The following CACNA2D1 variants were observed in gnomAD, a reference collection of about 807,000 sequenced individuals.
CACNA2D1 encodes the protein voltage-dependent calcium channel subunit alpha-2/delta-1.
In CACNA2D1, 53 loss-of-function variants were observed where a neutral mutation model predicts 171.5. The ratio of observed to expected loss-of-function variants is 0.31; its 90% CI spans 0.25 to 0.39. The LOEUF is 0.39. Ranked by LOEUF, CACNA2D1 falls within the 10% of genes least tolerant of loss-of-function variation. The pLI, the probability that CACNA2D1 is intolerant of heterozygous loss-of-function variation, is 1.00. For synonymous variants in CACNA2D1, 442 were observed against 443.1 expected, an observed-to-expected ratio of 1.00 and a Z score of 0.03; for missense variants, 903 against 1,299.8, an observed-to-expected ratio of 0.69 and a Z score of 4.69.
intron 1 of CACNA2D1, among the ~76,000 whole-genome samples, chr7:82,435,752 T>G (rs528332031): frequency 6.6e-6 from 1 of 152,340 alleles, no homozygotes; most frequent in South Asian, 2.1e-4. Flanking sequence ...ACTTTTTTTT[T>G]TTAATTTAAA....
chr7:82,389,748 G>A (rs1167149899), intron 1 of CACNA2D1, among the ~76,000 whole-genome samples: 1 of 152,084 alleles, frequency 6.6e-6, no homozygotes, highest in Non-Finnish European at 1.5e-5. Flanking sequence ...CCTGGGTTAT[G>A]GGGAGAATAA....
intron 1 of CACNA2D1, among the ~76,000 whole-genome samples, chr7:82,366,173 G>A (rs771876322): frequency 2.6e-5 from 4 of 152,120 alleles, no homozygotes; most frequent in African/African-American, 4.8e-5. Flanking sequence ...TGTGTCATCC[G>A]TAGTATTTGA....
intron 38 of CACNA2D1, among the ~76,000 whole-genome samples, chr7:81,950,912 G>A (rs1305918835): frequency 2.6e-5 from 4 of 151,920 alleles, no homozygotes; most frequent in South Asian, 4.1e-4. Context: ...TGCTCCATAT[G>A]GTAAAGTTGG....
intron 3 of CACNA2D1, among the ~76,000 whole-genome samples, chr7:82,205,875 A>AT (rs781163271): frequency 9.9e-5 from 15 of 152,142 alleles, no homozygotes; most frequent in Non-Finnish European, 2.1e-4. Context: ...TGCTCCAATT[A>AT]TTTTTATTAC....
chr7:82,325,249 G>A lies in CACNA2D1; in HGVS notation c.294+9886C>T, dbSNP rs1054099459. ...GTGAGAGCTCAGTCTAGCCTGTGGA[G>A]ATTGGATTTCAAAAATCAGGAGGCA... On this transcript the variant is annotated intron_variant, in intron 3 of 38. Transcript: ENST00000356860. Among the ~76,000 whole-genome samples, 4 of 152,200 alleles carry A rather than the reference G, an allele frequency of 2.6e-5. No individual in the cohort carries two copies. In the South Asian group the frequency reaches 6.2e-4, roughly 24 times the overall value.
chr7:82,154,209 TATGTA>T (rs1794131766), intron 4 of CACNA2D1, among the ~76,000 whole-genome samples: 1 of 152,212 alleles, frequency 6.6e-6, no homozygotes, highest in Admixed American at 6.5e-5. Context: ...TATATCTGCA[TATGTA>T]ATGATTATCT....
intron 7 of CACNA2D1, among the ~76,000 whole-genome samples, chr7:82,079,546 G>A (rs1407472576): frequency 6.6e-6 from 1 of 151,972 alleles, no homozygotes; most frequent in Non-Finnish European, 1.5e-5. Context: ...ACAAAAATTA[G>A]CCAGGCATGG....
chr7:82,335,040 A>G, intron 3 of CACNA2D1, 95 bp downstream of exon 3: 1 of 829,274 alleles, frequency 1.2e-6, no homozygotes, highest in Non-Finnish European at 2.1e-6. Context: ...TACTAAGAAG[A>G]AGAACGCATA....
chr7:82,247,800 A>T (rs1376131459), intron 3 of CACNA2D1, among the ~76,000 whole-genome samples: 1 of 152,192 alleles, frequency 6.6e-6, no homozygotes, highest in East Asian at 1.9e-4. Flanking sequence ...TAAACCCAAA[A>T]TTTGGAAAGA....
intron 5 of CACNA2D1, among the ~76,000 whole-genome samples, chr7:82,130,075 T>C (rs1389835560): frequency 6.6e-6 from 1 of 152,234 alleles, no homozygotes; most frequent in African/African-American, 2.4e-5. Context: ...GTTCTTAAAC[T>C]ATACTTCAGA....
At chr7:82,090,517 A>C (rs1455399494) in intron 6 of CACNA2D1, among the ~76,000 whole-genome samples, 2 of 152,052 alleles carry the variant, frequency 1.3e-5, no homozygotes. Flanking sequence ...TTGAGATAAA[A>C]ATTAGCATGT....
At chr7:82,238,337 A>G (rs2129290208) in intron 3 of CACNA2D1, among the ~76,000 whole-genome samples, 1 of 152,194 alleles carries the variant, frequency 6.6e-6, no homozygotes, top group Admixed American at 6.6e-5. Context: ...GCAAAATTAT[A>G]TCACACAAGT....
chr7:82,072,818 C>T (rs949570455), intron 7 of CACNA2D1, among the ~76,000 whole-genome samples: 2 of 151,918 alleles, frequency 1.3e-5, no homozygotes, highest in Middle Eastern at 3.4e-3. Context: ...ACTAATAATG[C>T]CACTTACTAG....
chr7:82,344,941 G>T (rs776632743), intron 2 of CACNA2D1, among the ~76,000 whole-genome samples: 5 of 152,090 alleles, frequency 3.3e-5, no homozygotes, highest in Non-Finnish European at 7.4e-5. Context: ...AAACAATTGT[G>T]TAAAGGGAAT....
At chr7:82,109,229 T>C (rs1368451679) in intron 6 of CACNA2D1, among the ~76,000 whole-genome samples, 2 of 152,142 alleles carry the variant, frequency 1.3e-5, no homozygotes, top group Non-Finnish European at 2.9e-5. Flanking sequence ...AAGAACCCTT[T>C]TTTTTGCAAA....
intron 12 of CACNA2D1, among the ~76,000 whole-genome samples, chr7:82,016,935 A>T (rs935363077): frequency 5.3e-5 from 8 of 152,218 alleles, no homozygotes; most frequent in African/African-American, 1.9e-4. Context: ...CTTGTTGTAG[A>T]GATTTTTAAA....
intron 1 of CACNA2D1, among the ~76,000 whole-genome samples, chr7:82,424,808 T>G (rs2129457924): frequency 6.6e-6 from 1 of 152,332 alleles, no homozygotes; most frequent in East Asian, 1.9e-4. Context: ...CCCAACACAG[T>G]TTGCCTGAAG....
At chr7:82,306,527 A>C (rs1813755069) in intron 3 of CACNA2D1, among the ~76,000 whole-genome samples, 1 of 152,212 alleles carries the variant, frequency 6.6e-6, no homozygotes, top group African/African-American at 2.4e-5. Flanking sequence ...ATCCATTGTC[A>C]CAGATTAATG....
intron 3 of CACNA2D1, among the ~76,000 whole-genome samples, chr7:82,330,092 G>A (rs1420110880): frequency 6.6e-6 from 1 of 151,286 alleles, no homozygotes; most frequent in Non-Finnish European, 1.5e-5. Context: ...AAGCAAAATT[G>A]CTATCAAAGA....
Sources: gnomAD v4.1 joint callset for allele counts (sites outside exome capture counted in the v4.1 genomes callset) on GRCh38, gnomAD v4.1.1 for gene constraint, MANE v1.5 for transcripts, NCBI Gene and HGNC (gene_info 2026-07-23, HGNC 2026-07-21) for gene names.